The following RARB variants were observed in gnomAD, a reference collection of about 807,000 sequenced individuals.
RARB encodes the protein retinoic acid receptor beta, also known as HBV-activated protein.
A neutral mutation model predicts 51.9 loss-of-function variants in RARB; 17 were observed. The observed-to-expected ratio is 0.33, with a 90% confidence interval of 0.22 to 0.49. The LOEUF is 0.49. Among genes scored for constraint, RARB ranks in the 20% least tolerant of loss-of-function variants. RARB has a pLI of 0.99. For missense variants in RARB, 369 were observed against 550.8 expected (o/e 0.67, Z 3.30); for synonymous variants, 215 against 195.4 (o/e 1.10, Z -0.84).
intron 3 of RARB, among the ~76,000 whole-genome samples, chr3:25,066,688 T>TA (rs1391717921): frequency 1.1e-4 from 16 of 151,644 alleles, no homozygotes; most frequent in Admixed American, 1.0e-3. Flanking sequence ...TACATTTTTT[T>TA]AAAAATCCCC....
intron 2 of RARB, among the ~76,000 whole-genome samples, chr3:24,997,480 T>C (rs1026262148): frequency 2.0e-5 from 3 of 152,074 alleles, no homozygotes; most frequent in Non-Finnish European, 2.9e-5. Flanking sequence ...TGTCACTTTA[T>C]TGATTATTTT....
At chr3:25,338,939 A>G (rs1242489240) in intron 5 of RARB, among the ~76,000 whole-genome samples, 1 of 152,146 alleles carries the variant, frequency 6.6e-6, no homozygotes, top group Admixed American at 6.6e-5. Context: ...CTCTGAGAGA[A>G]CAGTTGAGAT....
At chr3:25,071,195 TA>T (rs1698759448) in intron 3 of RARB, among the ~76,000 whole-genome samples, 1 of 152,224 alleles carries the variant, frequency 6.6e-6, no homozygotes, top group Admixed American at 6.5e-5. Flanking sequence ...GGCCCATTAG[TA>T]GGTGCTCAAT....
At chr3:25,311,326 G>C (rs971719143) in intron 5 of RARB, among the ~76,000 whole-genome samples, 2 of 152,176 alleles carry the variant, frequency 1.3e-5, no homozygotes, top group Admixed American at 1.3e-4. Flanking sequence ...GCCCTGTGTG[G>C]ACAATTATTA....
intron 2 of RARB, among the ~76,000 whole-genome samples, chr3:25,052,281 C>T (rs1271119175): frequency 6.6e-6 from 1 of 152,156 alleles, no homozygotes; most frequent in Non-Finnish European, 1.5e-5. Flanking sequence ...TCCCAAGCCT[C>T]TACTGTTGAC....
chr3:24,894,187 A>C (rs914940522), intron 2 of RARB, among the ~76,000 whole-genome samples: 1 of 151,964 alleles, frequency 6.6e-6, no homozygotes, highest in African/African-American at 2.4e-5. Flanking sequence ...CATGATGCTG[A>C]GGTTTGGGGT....
At chr3:24,908,711 T>C (rs1209017299) in intron 2 of RARB, among the ~76,000 whole-genome samples, 3 of 132,142 alleles carry the variant, frequency 2.3e-5, no homozygotes, top group Non-Finnish European at 4.7e-5. Context: ...TTAATTCACA[T>C]CATACAGAAG....
At chr3:24,911,153 T>G (rs1575067428) in intron 2 of RARB, among the ~76,000 whole-genome samples, 1 of 152,326 alleles carries the variant, frequency 6.6e-6, no homozygotes, top group East Asian at 1.9e-4. Context: ...GCTTAATAAT[T>G]AAAAGTATTT....
intron 4 of RARB, among the ~76,000 whole-genome samples, chr3:25,145,469 T>C (rs1159802699): frequency 1.3e-5 from 2 of 151,130 alleles, no homozygotes; most frequent in Non-Finnish European, 2.9e-5. Flanking sequence ...CTTCAGCTTA[T>C]AGAGTTACTC....
At chr3:25,146,499 G>GTTTTTTT (rs1413825514) in intron 4 of RARB, among the ~76,000 whole-genome samples, 1,366 of 104,128 alleles carry the variant, frequency 0.013, 156 homozygotes, top group Non-Finnish European at 0.018. Flanking sequence ...TAAGTTTTTT[G>GTTTTTTT]TTTGTTTGTT....
At chr3:25,243,269 C>A (rs1702475800) in intron 5 of RARB, among the ~76,000 whole-genome samples, 1 of 152,220 alleles carries the variant, frequency 6.6e-6, no homozygotes, top group Admixed American at 6.5e-5. Context: ...GATAATTTGA[C>A]TTCCTCTCTT....
intron 2 of RARB, among the ~76,000 whole-genome samples, chr3:24,914,245 T>C (rs1199568529): frequency 6.6e-6 from 1 of 152,154 alleles, no homozygotes; most frequent in African/African-American, 2.4e-5. Flanking sequence ...TGCTCAAATC[T>C]CTTGATGAGT....
intron 3 of RARB, among the ~76,000 whole-genome samples, chr3:25,107,884 C>G (rs1210276001): frequency 6.6e-6 from 1 of 152,006 alleles, no homozygotes; most frequent in Non-Finnish European, 1.5e-5. Context: ...ATTTTTCTTT[C>G]CTTATTAAGT....
chr3:25,407,170 GCCT>G, intron 5 of RARB, among the ~76,000 whole-genome samples: 1 of 152,222 alleles, frequency 6.6e-6, no homozygotes, highest in South Asian at 2.1e-4. Flanking sequence ...GTTCCCCACT[GCCT>G]ATAGTCCAGT....
chr3:25,342,001 A>C (rs777470113), intron 5 of RARB, among the ~76,000 whole-genome samples: 9 of 152,212 alleles, frequency 5.9e-5, no homozygotes, highest in Non-Finnish European at 1.3e-4. Context: ...TAGAAGAAGA[A>C]ATGTATGTAT....
intron 2 of RARB, among the ~76,000 whole-genome samples, chr3:24,984,872 G>A (rs888626354): frequency 1.3e-5 from 2 of 152,262 alleles, no homozygotes; most frequent in Admixed American, 6.5e-5. Flanking sequence ...CAGTGAAAAC[G>A]TAAGTTCCAA....
chr3:25,377,961 T>A (rs1706513304), intron 5 of RARB, among the ~76,000 whole-genome samples: 1 of 152,194 alleles, frequency 6.6e-6, no homozygotes, highest in Admixed American at 6.5e-5. Flanking sequence ...AGTCAAAATT[T>A]TTTAAATTCA....
At chr3:25,061,775 T>C (rs1463455734) in intron 3 of RARB, among the ~76,000 whole-genome samples, 1 of 151,780 alleles carries the variant, frequency 6.6e-6, no homozygotes. Flanking sequence ...TGGTTTACAA[T>C]TTAGAGGAAA....
chr3:25,257,078 T>C (rs1195741191), intron 5 of RARB, among the ~76,000 whole-genome samples: 1 of 152,130 alleles, frequency 6.6e-6, no homozygotes, highest in Non-Finnish European at 1.5e-5. Context: ...TATGCACACA[T>C]TTAAAGAACA....
Sources: allele counts gnomAD v4.1 joint callset (sites outside exome capture counted in the v4.1 genomes callset), GRCh38; gene constraint gnomAD v4.1.1; transcripts MANE v1.5; gene names NCBI Gene and HGNC (gene_info 2026-07-23, HGNC 2026-07-21).